Variants in SSPN observed in about 807,000 individuals in gnomAD.
The protein encoded by SSPN is K-ras oncogene-associated protein.
A neutral mutation model predicts 19.1 loss-of-function variants in SSPN; 15 were observed. The observed-to-expected ratio is 0.78, with a 90% confidence interval of 0.52 to 1.21. The LOEUF (loss-of-function observed/expected upper bound fraction) is 1.21. Among genes scored for constraint, SSPN ranks in the 50% most tolerant of loss-of-function variants. The probability of loss-of-function intolerance (pLI) is 0.00; values close to 1 mark genes in which losing one functional copy is unlikely to be tolerated. For synonymous variants in SSPN, 147 were observed against 140.3 expected (o/e 1.05, Z -0.34); for missense variants, 291 against 314.0 (o/e 0.93, Z 0.55).
intron 1 of SSPN, chr12:26,123,565 G>T: frequency 8.7e-7 from 1 of 1,149,688 alleles, no homozygotes; most frequent in South Asian, 1.2e-5. Flanking sequence ...AGGGAGTCCT[G>T]ACACTGCTCC....
chr12:26,137,758 C>T (rs2729629), intron 1 of SSPN, among the ~76,000 whole-genome samples: 1 of 144,362 alleles, frequency 6.9e-6, no homozygotes, highest in Non-Finnish European at 1.5e-5. Flanking sequence ...GCCACCTCCT[C>T]TTTTCAAGCG....
intron 1 of SSPN, among the ~76,000 whole-genome samples, chr12:26,202,256 A>C (rs1197353170): frequency 6.6e-6 from 1 of 152,162 alleles, no homozygotes; most frequent in Non-Finnish European, 1.5e-5. Context: ...ATTCATGGAT[A>C]TGGAACCCAT....
chr12:26,214,531 A>G (rs1350347504), intron 1 of SSPN, among the ~76,000 whole-genome samples: 1 of 152,242 alleles, frequency 6.6e-6, no homozygotes, highest in Admixed American at 6.5e-5. Flanking sequence ...TTTGTCCAAG[A>G]TCATTTAGCT....
chr12:26,135,990 C>T (rs1944422951), intron 1 of SSPN, among the ~76,000 whole-genome samples: 1 of 152,142 alleles, frequency 6.6e-6, no homozygotes. Context: ...TACAGTCCAC[C>T]CTCCATATCT....
chr12:26,123,306 T>C, intron 1 of SSPN: 1 of 1,223,810 alleles, frequency 8.2e-7, no homozygotes, highest in Non-Finnish European at 1.1e-6. Flanking sequence ...ATTCAAGTGA[T>C]ATAATCCACC....
At chr12:26,189,931 A>G (rs904894070) in intron 1 of SSPN, among the ~76,000 whole-genome samples, 2 of 152,192 alleles carry the variant, frequency 1.3e-5, no homozygotes, top group African/African-American at 4.8e-5. Flanking sequence ...GCAGACCTAG[A>G]GCTAAGAAGA....
intron 1 of SSPN, among the ~76,000 whole-genome samples, chr12:26,202,249 C>G (rs1158938282): frequency 6.6e-6 from 1 of 152,100 alleles, no homozygotes. Flanking sequence ...TGATTATATT[C>G]ATGGATATGG....
chr12:26,195,445 AGGCGCTGCGTCCC>A, upstream of SSPN: 1 of 712,634 alleles, frequency 1.4e-6, no homozygotes, highest in East Asian at 3.6e-5. Context: ...GGGGCCCGGC[AGGCGCTGCGTCCC>A]GGCGCGTTGG....
intron 1 of SSPN, among the ~76,000 whole-genome samples, chr12:26,221,093 C>T (rs1945115969): frequency 6.6e-6 from 1 of 152,204 alleles, no homozygotes. Flanking sequence ...TACTTCCTGC[C>T]TATTGCTGCA....
intron 1 of SSPN, chr12:26,125,334 C>T (rs1944355167): frequency 4.3e-6 from 1 of 230,786 alleles, no homozygotes; most frequent in Non-Finnish European, 8.6e-6. Flanking sequence ...TCCTTGGCTC[C>T]AAAATGCGAC....
chr12:26,233,292 G>A lies in SSPN; in HGVS notation c.*2216G>A, dbSNP rs1204426591. On this transcript the variant is annotated 3_prime_UTR_variant, in exon 3 of 3. Coordinates refer to ENST00000242729, the MANE Select transcript of SSPN (RefSeq NM_005086.5). The surrounding 1 kb of genome is among the most constrained non-coding windows in gnomAD (Gnocchi z 4.3). Reference sequence around the variant, plus strand: ...CTAAATAATGCAACTTGTAAGAGTTGACATTGTAATAAGCTTTATAATAGT... The same window carrying A: ...CTAAATAATGCAACTTGTAAGAGTTAACATTGTAATAAGCTTTATAATAGT... 6.7e-6 allele frequency: 1 copy of A among 150,336 alleles called. No individual in the cohort carries two copies. The highest frequency in any genetic ancestry group is 6.6e-5 in the Admixed American group (1 of 15,132). 9.3% of individuals were successfully genotyped at this position (150,336 alleles called of 1,614,324 possible).
intron 1 of SSPN, among the ~76,000 whole-genome samples, chr12:26,166,689 T>C (rs1013943192): frequency 6.6e-6 from 1 of 152,274 alleles, no homozygotes; most frequent in Non-Finnish European, 1.5e-5. Context: ...AACATAGACA[T>C]GCCTGTTCAT....
chr12:26,167,181 A>ATAT (rs1301889490), intron 1 of SSPN, among the ~76,000 whole-genome samples: 1 of 152,236 alleles, frequency 6.6e-6, no homozygotes, highest in Non-Finnish European at 1.5e-5. Flanking sequence ...GAGAACTAGA[A>ATAT]TATTATTGAG....
At chr12:26,160,735 T>A (rs976829179) in intron 1 of SSPN, among the ~76,000 whole-genome samples, 2 of 152,084 alleles carry the variant, frequency 1.3e-5, no homozygotes, top group Non-Finnish European at 2.9e-5. Context: ...TTATCTTTCA[T>A]CTTATCCTAT....
intron 1 of SSPN, among the ~76,000 whole-genome samples, chr12:26,173,387 C>T (rs959475934): frequency 6.6e-6 from 1 of 152,160 alleles, no homozygotes; most frequent in Admixed American, 6.5e-5. Context: ...GAACTTTGCC[C>T]TCTGTAACTA....
Position 26,227,889 on chromosome 12 carries a change from G to A in SSPN, c.367-2822G>A, listed in dbSNP as rs367661837. Among the ~76,000 whole-genome samples, 285 of 152,276 alleles carry A rather than the reference G, an allele frequency of 1.9e-3. 9 individuals are homozygous for A. In the South Asian group the frequency reaches 0.057, roughly 31 times the overall value. ...GTTAATCATCAGCCAGTACTGCTGCGCACTTGTTAAATGGTCTTGGGCACA... is the reference window on the plus strand; with the variant it reads ...GTTAATCATCAGCCAGTACTGCTGCACACTTGTTAAATGGTCTTGGGCACA... On this transcript the variant is annotated intron_variant, in intron 2 of 2. Coordinates refer to ENST00000242729, the MANE Select transcript of SSPN (RefSeq NM_005086.5).
intron 1 of SSPN, among the ~76,000 whole-genome samples, chr12:26,143,560 A>G (rs1944472814): frequency 6.6e-6 from 1 of 152,198 alleles, no homozygotes; most frequent in Admixed American, 6.5e-5. Flanking sequence ...CTTAGGTGAC[A>G]TTAGGGAAAT....
At chr12:26,191,990 T>C (rs1400936383), upstream of SSPN, among the ~76,000 whole-genome samples, 6 of 152,250 alleles carry the variant, frequency 3.9e-5, no homozygotes, top group Non-Finnish European at 8.8e-5. Flanking sequence ...TGTTTGAGAA[T>C]ATGTTGGTTT....
chr12:26,195,895 G>A lies in SSPN; in HGVS notation c.223G>A (p.Ala75Thr). 6.3e-7 allele frequency: 1 copy of A among 1,578,028 alleles called. No homozygotes were observed. The highest frequency in any genetic ancestry group is 1.2e-5 in the South Asian group (1 of 85,506). ...IAVTVVGFLM[A>T]SISSSLLVRD... ...CGTGACCGTGGTGGGCTTCCTCATG[G>A]CGAGCATCAGCTCCTCCCTGCTAGT... The change falls in exon 1 of 3, where the codon GCG becomes ACG. Residue 75 changes from alanine to threonine, a missense_variant. Physicochemically the swap from Ala to Thr is moderately conservative, Grantham distance 58. Coordinates refer to ENST00000242729, the MANE Select transcript of SSPN (RefSeq NM_005086.5).
Sources: allele counts gnomAD v4.1 joint callset (sites outside exome capture counted in the v4.1 genomes callset), GRCh38; gene constraint gnomAD v4.1.1; non-coding constraint Gnocchi (gnomAD v3.1); transcripts MANE v1.5; gene names NCBI Gene and HGNC (gene_info 2026-07-23, HGNC 2026-07-21).